TOP3A: variants seen among roughly 807,000 people sequenced by gnomAD.
The protein encoded by TOP3A is DNA topoisomerase 3-alpha.
In TOP3A, 64 loss-of-function variants were observed where a neutral mutation model predicts 111.3. The observed-to-expected ratio is 0.57, with a 90% CI of 0.47 to 0.71. The LOEUF (loss-of-function observed/expected upper bound fraction) is 0.71, where lower values mean the gene tolerates loss of function less well. Ranked by LOEUF, TOP3A falls within the 30% of genes least tolerant of loss-of-function variation. The probability of loss-of-function intolerance (pLI) is 0.00; values close to 1 mark genes in which losing one functional copy is unlikely to be tolerated. For missense variants in TOP3A, 1,104 were observed against 1,285.0 expected (o/e 0.86, Z 2.15); for synonymous variants, 484 against 485.1 (o/e 1.00, Z 0.03).
intron 11 of TOP3A, among the ~76,000 whole-genome samples, chr17:18,292,081 C>T (rs9894616): frequency 0.054 from 8,275 of 152,210 alleles, 654 homozygotes; most frequent in African/African-American, 0.17. Context: ...CTAAGATTTC[C>T]CCAGCTTTGT....
At chr17:18,275,822 ATTGT>A (rs1223911765) in intron 18 of TOP3A, among the ~76,000 whole-genome samples, 4 of 144,630 alleles carry the variant, frequency 2.8e-5, no homozygotes, top group South Asian at 4.4e-4. Context: ...TGCCCGGCTA[ATTGT>A]TTGTATTTTT....
chr17:18,304,489 G>T (rs995114683), intron 5 of TOP3A, among the ~76,000 whole-genome samples: 3 of 152,156 alleles, frequency 2.0e-5, no homozygotes, highest in Admixed American at 6.5e-5. Context: ...CTGAGCCAGA[G>T]AATGGCCTGT....
chr17:18,295,026 C>T (rs1411934354), intron 9 of TOP3A, among the ~76,000 whole-genome samples: 1 of 152,186 alleles, frequency 6.6e-6, no homozygotes, highest in African/African-American at 2.4e-5. Flanking sequence ...AGATTTGGGG[C>T]CCTGACCACT....
At position 18,290,607 on chromosome 17, in the gene TOP3A, T is replaced by C. The variant is rs1980403688; in HGVS notation, c.1547A>G (p.Lys516Arg). 1 of 1,610,978 alleles carries C rather than the reference T, an allele frequency of 6.2e-7. No individual in the cohort carries two copies. Among genetic ancestry groups the C allele is most frequent in the Non-Finnish European group, 8.5e-7 (1 of 1,178,102 alleles). Reference protein sequence around the residue: ...EMVDGETSPPKLLTEADLIAL... With the variant: ...EMVDGETSPPRLLTEADLIAL... ...AATGAGGTCGGCCTCGGTGAGCAGC[T>C]TGGGTGGGCTGGTCTCCCCGTCCAC... is the stretch of plus-strand genomic sequence containing the variant. Residue 516 changes from lysine (K) to arginine (R), a missense_variant, in exon 13 of 19, where the codon AAG (lysine) becomes AGG (arginine). By Grantham distance (26) the Lys-to-Arg change is conservative. Transcript: ENST00000321105.
intron 13 of TOP3A, among the ~76,000 whole-genome samples, chr17:18,285,845 T>C (rs891663099): frequency 6.6e-6 from 1 of 152,186 alleles, no homozygotes; most frequent in Non-Finnish European, 1.5e-5. Flanking sequence ...AACCATTCTT[T>C]AAGCTGTGGC....
At chr17:18,309,628 A>C (rs1981789072) in intron 1 of TOP3A, among the ~76,000 whole-genome samples, 1 of 151,970 alleles carries the variant, frequency 6.6e-6, no homozygotes, top group South Asian at 2.1e-4. Flanking sequence ...TGGGTGACAG[A>C]GCGAGACTGT....
intron 5 of TOP3A, among the ~76,000 whole-genome samples, chr17:18,303,999 C>CT (rs1226567244): frequency 6.6e-6 from 1 of 152,160 alleles, no homozygotes; most frequent in African/African-American, 2.4e-5. Flanking sequence ...CAGTCTCACT[C>CT]TGTCACCCAG....
rs919125683 is a variant in TOP3A, at chr17:18,272,509, A to G, written c.*2293T>C. Reference sequence around the variant, plus strand: ...ACAGTGCTATTCACAATAGCCAAAAAGTGGAAACAACCCAATGTCCATCAA... The same window carrying G: ...ACAGTGCTATTCACAATAGCCAAAAGGTGGAAACAACCCAATGTCCATCAA... On this transcript the variant is annotated 3_prime_UTR_variant, in exon 19 of 19. Coordinates refer to ENST00000321105, the MANE Select transcript of TOP3A (RefSeq NM_004618.5). Among the ~76,000 whole-genome samples the G allele has an allele frequency of 6.6e-6, 1 of 152,238 alleles. No homozygotes were observed. Among genetic ancestry groups the G allele is most frequent in the African/African-American group, 2.4e-5 (1 of 41,464 alleles).
intron 4 of TOP3A, among the ~76,000 whole-genome samples, chr17:18,305,492 G>A (rs2061215): frequency 0.34 from 41,001 of 121,364 alleles, 5,697 homozygotes; most frequent in African/African-American, 0.4. Flanking sequence ...ACACACGCGC[G>A]CGCGCGCGCG....
At chr17:18,302,019 T>A in intron 7 of TOP3A, 34 bp from the exon 8 acceptor site, 11 of 1,587,924 alleles carry the variant, frequency 6.9e-6, no homozygotes, top group Non-Finnish European at 9.5e-6. Flanking sequence ...AAAGGCTGTG[T>A]CTCAGAGACA....
chr17:18,314,312 C>G (rs140828908), intron 1 of TOP3A, among the ~76,000 whole-genome samples: 299 of 152,354 alleles, frequency 2.0e-3, no homozygotes, highest in African/African-American at 6.8e-3. Context: ...ACCCGAAGGG[C>G]AGCCAGCGCC....
intron 18 of TOP3A, among the ~76,000 whole-genome samples, chr17:18,276,976 G>C (rs1161412460): frequency 6.6e-6 from 1 of 152,146 alleles, no homozygotes; most frequent in Non-Finnish European, 1.5e-5. Context: ...ACCTGAGGTG[G>C]AGTTCGAGAC....
At chr17:18,296,503 C>T (rs1210745935) in intron 9 of TOP3A, among the ~76,000 whole-genome samples, 2 of 152,042 alleles carry the variant, frequency 1.3e-5, no homozygotes, top group African/African-American at 4.8e-5. Context: ...TCGCTTGAGC[C>T]CGGGAGACGG....
intron 10 of TOP3A, among the ~76,000 whole-genome samples, chr17:18,293,228 T>C (rs1980588850): frequency 6.6e-6 from 1 of 152,248 alleles, no homozygotes; most frequent in African/African-American, 2.4e-5. Context: ...CTTCAAGACT[T>C]TTCTTAGAGT....
intron 3 of TOP3A, chr17:18,307,496 T>G (rs4925166): frequency 0.72 from 109,655 of 152,276 alleles, 40,162 homozygotes; most frequent in African/African-American, 0.86. Context: ...TACTCGGGAG[T>G]CTGAGGCAGG....
chr17:18,300,280 G>C (rs1243074346), intron 8 of TOP3A, among the ~76,000 whole-genome samples: 1 of 152,004 alleles, frequency 6.6e-6, no homozygotes, highest in African/African-American at 2.4e-5. Flanking sequence ...TGTAGTTCCA[G>C]CTACTGGGGA....
At chr17:18,311,515 A>G (rs1981911938) in intron 1 of TOP3A, among the ~76,000 whole-genome samples, 1 of 151,940 alleles carries the variant, frequency 6.6e-6, no homozygotes, top group African/African-American at 2.4e-5. Flanking sequence ...GCTGGTCTTG[A>G]ACTCACGACC....
intron 2 of TOP3A, chr17:18,308,637 C>T: frequency 2.1e-6 from 1 of 474,646 alleles, no homozygotes. Flanking sequence ...CCTCTTGCAT[C>T]AGTTAAATTT....
At position 18,274,990 on chromosome 17, in the gene TOP3A, G is replaced by C. The variant is rs773343991; in HGVS notation, c.2828-10C>G. ...GGGGCTCCAGAAGTCCCTGTCGGGA[G>C]AGTCAGGGGAGGGGTGAGGTTAGAA... On this transcript the variant is annotated splice_polypyrimidine_tract_variant and intron_variant, in intron 18 of 18. Transcript: ENST00000321105. The C allele has an allele frequency of 2.5e-6, 4 of 1,612,376 alleles. No individual in the cohort carries two copies. Among genetic ancestry groups the C allele is most frequent in the Non-Finnish European group, 3.4e-6 (4 of 1,179,178 alleles).
Sources: gnomAD v4.1 joint callset for allele counts (sites outside exome capture counted in the v4.1 genomes callset) on GRCh38, gnomAD v4.1.1 for gene constraint, MANE v1.5 for transcripts, NCBI Gene and HGNC (gene_info 2026-07-23, HGNC 2026-07-21) for gene names.